PPP2R5E: variants seen among roughly 807,000 people sequenced by gnomAD.
The protein encoded by PPP2R5E is serine/threonine-protein phosphatase 2A 56 kDa regulatory subunit epsilon isoform.
In PPP2R5E, 4 loss-of-function variants were observed where a neutral mutation model predicts 65.3. That is an observed-to-expected ratio of 0.06 (90% confidence interval 0.03 to 0.14). PPP2R5E has a LOEUF of 0.14. Ranked by LOEUF, PPP2R5E falls within the 10% of genes least tolerant of loss-of-function variation. The pLI is 1.00. For missense variants in PPP2R5E, 274 were observed against 556.1 expected (o/e 0.49, Z 5.10); for synonymous variants, 183 against 187.4 (o/e 0.98, Z 0.19).
At chr14:63,515,098 G>A (rs1042979782) in intron 2 of PPP2R5E, among the ~76,000 whole-genome samples, 9 of 151,778 alleles carry the variant, frequency 5.9e-5, no homozygotes, top group South Asian at 2.1e-4. Context: ...CCATACCTCC[G>A]TACAACCCTA....
intron 2 of PPP2R5E, among the ~76,000 whole-genome samples, chr14:63,488,077 T>C (rs1891082796): frequency 6.6e-6 from 1 of 152,214 alleles, no homozygotes; most frequent in African/African-American, 2.4e-5. Context: ...CGCTCTCATG[T>C]TTTTGCTTCT....
At chr14:63,457,381 C>A (rs1889180205) in intron 2 of PPP2R5E, among the ~76,000 whole-genome samples, 1 of 151,974 alleles carries the variant, frequency 6.6e-6, no homozygotes, top group African/African-American at 2.4e-5. Context: ...TCATAAAAAA[C>A]AAAAACATAT....
intron 2 of PPP2R5E, 94 bp downstream of exon 2, chr14:63,539,435 T>A (rs905414096): frequency 3.0e-6 from 4 of 1,354,194 alleles, no homozygotes; most frequent in Non-Finnish European, 4.0e-6. Flanking sequence ...TCCCTTCAAT[T>A]TGCAACACAT....
At chr14:63,437,578 A>G (rs576432322) in intron 3 of PPP2R5E, among the ~76,000 whole-genome samples, 2 of 152,260 alleles carry the variant, frequency 1.3e-5, no homozygotes, top group Admixed American at 6.5e-5. Context: ...TAATCTGTCT[A>G]AGAGAAAAAA....
chr14:63,463,942 G>C (rs562614241), intron 2 of PPP2R5E, among the ~76,000 whole-genome samples: 1 of 152,250 alleles, frequency 6.6e-6, no homozygotes, highest in East Asian at 1.9e-4. Flanking sequence ...TCAAGGATAA[G>C]AGAAAAATAG....
At chr14:63,515,487 T>G (rs1892633411) in intron 2 of PPP2R5E, among the ~76,000 whole-genome samples, 1 of 152,168 alleles carries the variant, frequency 6.6e-6, no homozygotes, top group South Asian at 2.1e-4. Context: ...ATATACCTAC[T>G]TCAAATACAC....
intron 4 of PPP2R5E, among the ~76,000 whole-genome samples, chr14:63,415,719 G>GT (rs1412542119): frequency 6.6e-6 from 1 of 152,096 alleles, no homozygotes; most frequent in Non-Finnish European, 1.5e-5. Flanking sequence ...CTTAGTAGCT[G>GT]TAAGTAGTCC....
intron 3 of PPP2R5E, among the ~76,000 whole-genome samples, chr14:63,449,526 T>C (rs900686568): frequency 6.6e-6 from 1 of 152,140 alleles, no homozygotes; most frequent in African/African-American, 2.4e-5. Flanking sequence ...GATGTATATA[T>C]ACAATGGGCT....
chr14:63,401,997 A>G (rs1337521929), intron 5 of PPP2R5E, among the ~76,000 whole-genome samples: 3 of 152,220 alleles, frequency 2.0e-5, no homozygotes, highest in Admixed American at 6.5e-5. Flanking sequence ...TCCCTATCCC[A>G]TGTGGTGTAT....
At chr14:63,486,765 C>T (rs111953726) in intron 2 of PPP2R5E, among the ~76,000 whole-genome samples, 3,383 of 152,206 alleles carry the variant, frequency 0.022, 73 homozygotes, top group African/African-American at 0.061. Context: ...TCTGTTAACT[C>T]TGAAGGCCCC....
chr14:63,517,945 T>C (rs570686656), intron 2 of PPP2R5E, among the ~76,000 whole-genome samples: 14 of 152,348 alleles, frequency 9.2e-5, no homozygotes, highest in East Asian at 5.8e-4. Flanking sequence ...TATTGCATTA[T>C]GTTCCCCACT....
chr14:63,398,813 A>C (rs1885560152), intron 5 of PPP2R5E, among the ~76,000 whole-genome samples: 1 of 152,186 alleles, frequency 6.6e-6, no homozygotes, highest in South Asian at 2.1e-4. Flanking sequence ...AGAAAAGAAA[A>C]CCCAACCAAC....
chr14:63,460,212 C>T (rs554699450), intron 2 of PPP2R5E, among the ~76,000 whole-genome samples: 1 of 152,282 alleles, frequency 6.6e-6, no homozygotes, highest in East Asian at 1.9e-4. Context: ...CCTTTTAATC[C>T]TCAGAATATC....
At chr14:63,439,377 T>TTGTTTC (rs1566703019) in intron 3 of PPP2R5E, among the ~76,000 whole-genome samples, 1 of 152,106 alleles carries the variant, frequency 6.6e-6, no homozygotes, top group Non-Finnish European at 1.5e-5. Context: ...GTTTTTGTTT[T>TTGTTTC]TGTTTCTGTT....
At chr14:63,377,842 ATCT>A (rs1884078818) in intron 13 of PPP2R5E, among the ~76,000 whole-genome samples, 3 of 152,126 alleles carry the variant, frequency 2.0e-5, no homozygotes, top group African/African-American at 7.2e-5. Context: ...TAATCCTCCA[ATCT>A]TCTTCTGGCT....
intron 4 of PPP2R5E, among the ~76,000 whole-genome samples, chr14:63,416,010 G>C (rs940695055): frequency 3.9e-5 from 6 of 152,202 alleles, no homozygotes; most frequent in Non-Finnish European, 8.8e-5. Context: ...CGGATCATAA[G>C]ATGGTGTGGC....
At chr14:63,473,726 C>T (rs1482733826) in intron 2 of PPP2R5E, among the ~76,000 whole-genome samples, 1 of 152,084 alleles carries the variant, frequency 6.6e-6, no homozygotes, top group South Asian at 2.1e-4. Flanking sequence ...AGAAGAGTAA[C>T]AGGAAAAGGG....
intron 2 of PPP2R5E, among the ~76,000 whole-genome samples, chr14:63,522,476 C>G (rs1472249441): frequency 6.6e-6 from 1 of 150,502 alleles, no homozygotes; most frequent in East Asian, 2.0e-4. Context: ...TCTGCCCGGC[C>G]GCCATCCCAT....
chr14:63,410,625 C>T (rs773951019), intron 5 of PPP2R5E, among the ~76,000 whole-genome samples: 7 of 152,160 alleles, frequency 4.6e-5, no homozygotes, highest in Non-Finnish European at 1.0e-4. Context: ...TCTTAGAAGG[C>T]ACCGGGAGCG....
Sources: gnomAD v4.1 joint callset for allele counts (sites outside exome capture counted in the v4.1 genomes callset) on GRCh38, gnomAD v4.1.1 for gene constraint, MANE v1.5 for transcripts, NCBI Gene and HGNC (gene_info 2026-07-23, HGNC 2026-07-21) for gene names.